The following CDKL5 variants were observed in gnomAD, a reference collection of about 807,000 sequenced individuals.
CDKL5 encodes cyclin-dependent kinase-like 5.
A neutral mutation model predicts 61.7 loss-of-function variants in CDKL5; 8 were observed. That is an observed-to-expected ratio of 0.13 (90% CI 0.08 to 0.23). The LOEUF is 0.23. Among genes scored for constraint, CDKL5 ranks in the 10% least tolerant of loss-of-function variants. The pLI is 1.00. For synonymous variants in CDKL5, 275 were observed against 272.3 expected (o/e 1.01, Z -0.10); for missense variants, 440 against 734.5 (o/e 0.60, Z 4.63).
chrX:18,509,197 G>GCACACACGCA (rs1555940194), intron 2 of CDKL5, among the ~76,000 whole-genome samples: 16 of 64,314 alleles, frequency 2.5e-4, no homozygotes, highest in African/African-American at 9.5e-4. Flanking sequence ...CTCAAAACAC[G>GCACACACGCA]CACACACACA....
intron 1 of CDKL5, among the ~76,000 whole-genome samples, chrX:18,439,045 G>GCCCCCCCCCCCCCCC (rs367844172): frequency 1.1e-3 from 40 of 37,481 alleles, no homozygotes; most frequent in Non-Finnish European, 1.2e-3. Context: ...GCCCCTTTTT[G>GCCCCCCCCCCCCCCC]CCCCCCCCCC....
chrX:18,555,368 C>G (rs1303305931), intron 3 of CDKL5, among the ~76,000 whole-genome samples: 2 of 112,195 alleles, frequency 1.8e-5, no homozygotes, highest in African/African-American at 3.2e-5. Flanking sequence ...CATGCAATAG[C>G]ATATGCTAGT....
chrX:18,480,631 C>CT (rs750737077), intron 1 of CDKL5, among the ~76,000 whole-genome samples: 6 of 110,941 alleles, frequency 5.4e-5, no homozygotes, highest in Non-Finnish European at 3.8e-5. Flanking sequence ...TTTGTCAACT[C>CT]TGACTCTCTC....
chrX:18,641,812 G>A (rs1289231097), downstream of CDKL5: 3 of 442,563 alleles, frequency 6.8e-6, no homozygotes, highest in Non-Finnish European at 1.2e-5. Context: ...CCCTGAGTGG[G>A]GAATAAGTTC....
At chrX:18,494,433 T>G (rs1364549771) in intron 1 of CDKL5, among the ~76,000 whole-genome samples, 1 of 111,129 alleles carries the variant, frequency 9.0e-6, no homozygotes, top group Non-Finnish European at 1.9e-5. Flanking sequence ...ATTTCTTTTT[T>G]TTTTAGTAGA....
chrX:18,506,053 T>C (rs1212465064), intron 1 of CDKL5, among the ~76,000 whole-genome samples: 1 of 113,097 alleles, frequency 8.8e-6, no homozygotes, highest in Non-Finnish European at 1.9e-5. Flanking sequence ...AAAAAAATTA[T>C]ATGGGTTATA....
chrX:18,526,682 C>T (rs1245670262), intron 3 of CDKL5, among the ~76,000 whole-genome samples: 5 of 111,357 alleles, frequency 4.5e-5, no homozygotes, highest in African/African-American at 1.3e-4. Flanking sequence ...TTTCAAAAAA[C>T]GCTTTTCTGT....
intron 14 of CDKL5, 98 bp from the exon 15 acceptor site, chrX:18,613,054 C>A: frequency 2.7e-6 from 2 of 736,949 alleles, no homozygotes; most frequent in South Asian, 2.3e-5. Flanking sequence ...GAGATCACGC[C>A]ACTGCACTCC....
intron 15 of CDKL5, among the ~76,000 whole-genome samples, chrX:18,615,513 G>A (rs190659647): frequency 3.6e-5 from 4 of 111,868 alleles, no homozygotes; most frequent in African/African-American, 9.7e-5. Context: ...TGCTTCCTGG[G>A]CTCAAGCTAT....
chrX:18,566,776 G>A (rs1924982716), intron 4 of CDKL5, among the ~76,000 whole-genome samples: 2 of 111,870 alleles, frequency 1.8e-5, no homozygotes, highest in Admixed American at 9.5e-5. Context: ...GTTTCTGGAC[G>A]TGGTATTGGG....
intron 15 of CDKL5, among the ~76,000 whole-genome samples, chrX:18,616,849 A>G (rs1056900123): frequency 1.8e-5 from 2 of 111,051 alleles, no homozygotes; most frequent in South Asian, 7.7e-4. Context: ...CAGGTGGCAG[A>G]GAAAGTGTCA....
chrX:18,440,664 C>T (rs747918887), intron 1 of CDKL5, among the ~76,000 whole-genome samples: 138 of 111,747 alleles, frequency 1.2e-3, no homozygotes, highest in African/African-American at 4.4e-3. Flanking sequence ...GTAGAGACGG[C>T]GTTTCACTGT....
chrX:18,630,379 C>T lies in CDKL5; in HGVS notation c.*1622C>T. Reference sequence around the variant, plus strand: ...GTAGTAGTAGATTTTTGGAATTAGTCTCTGAGCAATAATACTTTTAAAGGT... The same window carrying T: ...GTAGTAGTAGATTTTTGGAATTAGTTTCTGAGCAATAATACTTTTAAAGGT... On this transcript the variant is annotated 3_prime_UTR_variant, in exon 18 of 18. Coordinates refer to ENST00000623535, the MANE Select transcript of CDKL5 (RefSeq NM_001323289.2). The T allele has an allele frequency of 1.3e-6, 1 of 752,868 alleles. No homozygotes were observed. Among genetic ancestry groups the T allele is most frequent in the Non-Finnish European group, 1.6e-6 (1 of 638,415 alleles). The allele number at this position is 752,868 out of a possible 1,213,427, so 62.0% of individuals were successfully genotyped here.
chrX:18,431,423 C>CTTTTTTTTT (rs1177063856), intron 1 of CDKL5, among the ~76,000 whole-genome samples: 3 of 95,511 alleles, frequency 3.1e-5, no homozygotes, highest in Non-Finnish European at 6.4e-5. Flanking sequence ...GATTTCTTTT[C>CTTTTTTTTT]TTTTTTTTTT....
At chrX:18,590,234 T>C (rs1925785281) in intron 9 of CDKL5, among the ~76,000 whole-genome samples, 1 of 111,162 alleles carries the variant, frequency 9.0e-6, no homozygotes, top group African/African-American at 3.3e-5. Context: ...CTGAATGGTA[T>C]TGCCTAGGTT....
chrX:18,579,500 A>G (rs761834468), intron 5 of CDKL5, among the ~76,000 whole-genome samples: 1 of 111,263 alleles, frequency 9.0e-6, no homozygotes, highest in East Asian at 2.8e-4. Context: ...ACTGTGTTTA[A>G]AAAGGCTCTT....
intron 5 of CDKL5, among the ~76,000 whole-genome samples, chrX:18,577,112 C>A (rs943984219): frequency 2.7e-5 from 3 of 111,512 alleles, no homozygotes; most frequent in Non-Finnish European, 5.6e-5. Context: ...GTAGTTTTCA[C>A]TACCAAATAA....
chrX:18,518,920 G>A lies in CDKL5; in HGVS notation c.99+8066G>A, dbSNP rs138618781. On this transcript the variant is annotated intron_variant, in intron 3 of 17. Transcript: ENST00000623535. ...CCACATGAGAACTACCATAAAGCTGGGAATAGAATTAAGGAGTAACATTAT... is the reference window on the plus strand; with the variant it reads ...CCACATGAGAACTACCATAAAGCTGAGAATAGAATTAAGGAGTAACATTAT... Among the ~76,000 whole-genome samples the A allele has an allele frequency of 1.2e-4, 13 of 110,963 alleles. No individual in the cohort carries two copies. The East Asian group carries it at 3.7e-3, about 31-fold the overall frequency.
chrX:18,514,785 A>T (rs1029571863), intron 3 of CDKL5, among the ~76,000 whole-genome samples: 6 of 107,200 alleles, frequency 5.6e-5, no homozygotes, highest in Admixed American at 2.0e-4. Flanking sequence ...TTTTATTTGT[A>T]TGTGTTTGTT....
Sources: allele counts gnomAD v4.1 joint callset (sites outside exome capture counted in the v4.1 genomes callset), GRCh38; gene constraint gnomAD v4.1.1; transcripts MANE v1.5; gene names NCBI Gene and HGNC (gene_info 2026-07-23, HGNC 2026-07-21).